Variants in FRMD4A observed in about 807,000 individuals in gnomAD.
FRMD4A encodes FERM domain-containing protein 4A.
A neutral mutation model predicts 129.1 loss-of-function variants in FRMD4A; 29 were observed. The ratio of observed to expected loss-of-function variants is 0.22; its 90% CI spans 0.17 to 0.31. The LOEUF (loss-of-function observed/expected upper bound fraction) is 0.31. Ranked by LOEUF, FRMD4A falls within the 10% of genes least tolerant of loss-of-function variation. The pLI, the probability that FRMD4A is intolerant of heterozygous loss-of-function variation, is 1.00. For synonymous variants in FRMD4A, 634 were observed against 571.6 expected (o/e 1.11, Z -1.56); for missense variants, 1,272 against 1,375.8 (o/e 0.92, Z 1.19).
intron 3 of FRMD4A, among the ~76,000 whole-genome samples, chr10:13,833,020 C>T (rs2093814894): frequency 6.6e-6 from 1 of 152,198 alleles, no homozygotes; most frequent in Non-Finnish European, 1.5e-5. Flanking sequence ...TTTCCGTGTA[C>T]AGTCTGCCTT....
intron 15 of FRMD4A, among the ~76,000 whole-genome samples, chr10:13,680,305 C>A (rs956794002): frequency 1.3e-5 from 2 of 151,418 alleles, no homozygotes; most frequent in Admixed American, 6.6e-5. Flanking sequence ...AAAACAAAAC[C>A]AAACCAAAAA....
At chr10:14,312,527 C>T (rs933130434) in intron 2 of FRMD4A, among the ~76,000 whole-genome samples, 9 of 152,142 alleles carry the variant, frequency 5.9e-5, no homozygotes, top group Non-Finnish European at 8.8e-5. Flanking sequence ...AAGCCATATG[C>T]ACAAAGATAT....
chr10:13,777,046 G>A (rs74121875), intron 6 of FRMD4A, among the ~76,000 whole-genome samples: 9,169 of 152,320 alleles, frequency 0.06, 934 homozygotes, highest in African/African-American at 0.21. Flanking sequence ...CAATTAGAGA[G>A]GAAAGGGAAG....
At chr10:14,151,284 G>A (rs1053283991) in intron 2 of FRMD4A, among the ~76,000 whole-genome samples, 13 of 152,280 alleles carry the variant, frequency 8.5e-5, no homozygotes, top group South Asian at 6.2e-4. Context: ...TGGCTGATTC[G>A]ATAAGGAAAA....
intron 9 of FRMD4A, among the ~76,000 whole-genome samples, chr10:13,747,294 A>G (rs2091341800): frequency 6.6e-6 from 1 of 152,054 alleles, no homozygotes; most frequent in African/African-American, 2.4e-5. Flanking sequence ...GCACTTTGGG[A>G]GGCCGAGGCA....
At chr10:14,135,521 C>G (rs1839488247) in intron 2 of FRMD4A, among the ~76,000 whole-genome samples, 1 of 152,174 alleles carries the variant, frequency 6.6e-6, no homozygotes, top group African/African-American at 2.4e-5. Context: ...CTGGGGGCTG[C>G]CTGATTCACA....
At chr10:14,065,068 C>A (rs999540870) in intron 2 of FRMD4A, among the ~76,000 whole-genome samples, 9 of 152,158 alleles carry the variant, frequency 5.9e-5, no homozygotes, top group African/African-American at 2.2e-4. Context: ...GTGCCAAATC[C>A]ATGTTGTGGG....
At chr10:14,274,746 G>T (rs11258990) in intron 2 of FRMD4A, among the ~76,000 whole-genome samples, 1 of 152,140 alleles carries the variant, frequency 6.6e-6, no homozygotes, top group African/African-American at 2.4e-5. Flanking sequence ...GCTCAGCCAG[G>T]TGTATTTTTC....
At chr10:14,184,872 C>T (rs573224799) in intron 2 of FRMD4A, among the ~76,000 whole-genome samples, 1 of 152,186 alleles carries the variant, frequency 6.6e-6, no homozygotes, top group African/African-American at 2.4e-5. Flanking sequence ...CATGGCCTGC[C>T]CGGATACAAC....
chr10:13,687,989 C>T (rs1388516292), intron 15 of FRMD4A, among the ~76,000 whole-genome samples: 3 of 152,186 alleles, frequency 2.0e-5, no homozygotes, highest in Non-Finnish European at 4.4e-5. Flanking sequence ...GGGGACAGCT[C>T]TGCGTATCAC....
At chr10:14,147,571 G>T (rs968045103) in intron 2 of FRMD4A, among the ~76,000 whole-genome samples, 1 of 152,104 alleles carries the variant, frequency 6.6e-6, no homozygotes, top group Admixed American at 6.5e-5. Flanking sequence ...ATCTGGGGGT[G>T]ATGGGAAACA....
intron 3 of FRMD4A, among the ~76,000 whole-genome samples, chr10:13,856,692 T>C (rs964158103): frequency 6.6e-6 from 1 of 152,148 alleles, no homozygotes; most frequent in Non-Finnish European, 1.5e-5. Context: ...TATAAAGCAG[T>C]GGAAAGAACA....
At chr10:14,133,967 G>C (rs1245862283) in intron 2 of FRMD4A, among the ~76,000 whole-genome samples, 1 of 152,186 alleles carries the variant, frequency 6.6e-6, no homozygotes. Flanking sequence ...AGAAGAACTT[G>C]TTTCTTGGTA....
At chr10:13,966,824 C>G (rs2095488058) in intron 2 of FRMD4A, among the ~76,000 whole-genome samples, 1 of 152,208 alleles carries the variant, frequency 6.6e-6, no homozygotes, top group African/African-American at 2.4e-5. Flanking sequence ...GGAACCAACC[C>G]AAATGCCCAT....
At chr10:13,929,640 A>G (rs957903245) in intron 2 of FRMD4A, among the ~76,000 whole-genome samples, 12 of 152,210 alleles carry the variant, frequency 7.9e-5, no homozygotes, top group African/African-American at 2.4e-4. Context: ...GCACTCCCCA[A>G]AGCTGGAGGC....
rs765276158 is a variant in FRMD4A, at chr10:13,657,170, GCGC to G, written c.2416_2418del (p.Ala806del). ...CCCCCCGCGCCCCCCGCACCCCCGC[GCGC>G]CGCCAGGTTGGGCATGCTGCCCGAG... On this transcript the variant is annotated inframe_deletion, in exon 22 of 25. Transcript: ENST00000357447. The G allele has an allele frequency of 7.4e-7, 1 of 1,360,066 alleles. No individual in the cohort carries two copies. The highest frequency in any genetic ancestry group is 1.3e-5 in the South Asian group (1 of 76,572). The allele number at this position is 1,360,066 out of a possible 1,614,324, so 84.2% of individuals were successfully genotyped here.
chr10:14,067,558 C>T (rs1309608633), intron 2 of FRMD4A, among the ~76,000 whole-genome samples: 1 of 152,050 alleles, frequency 6.6e-6, no homozygotes, highest in Non-Finnish European at 1.5e-5. Context: ...GTGGCTCACA[C>T]TTGTAATCCC....
rs147332743 is a variant in FRMD4A at position 14,268,030 on chromosome 10, T to C, written c.45+62028A>G. Among the ~76,000 whole-genome samples the C allele has an allele frequency of 6.0e-3, 920 of 152,340 alleles. 11 individuals carry two copies. Among genetic ancestry groups the C allele is most frequent in the African/African-American group, 0.021 (855 of 41,584 alleles). ...ATAAAATAATACGCCACCTATTTCATGATTGTGTTGCAGGCATCAAATGGG... is the reference window on the plus strand; with the variant it reads ...ATAAAATAATACGCCACCTATTTCACGATTGTGTTGCAGGCATCAAATGGG... On this transcript the variant is annotated intron_variant, in intron 2 of 24. Transcript: ENST00000357447.
At chr10:13,660,778 T>A (rs116701197) in intron 19 of FRMD4A, among the ~76,000 whole-genome samples, 1,878 of 152,260 alleles carry the variant, frequency 0.012, 45 homozygotes, top group African/African-American at 0.043. Context: ...CGGGATTGCA[T>A]GGGAAGAGAT....
Sources: gnomAD v4.1 joint callset for allele counts (sites outside exome capture counted in the v4.1 genomes callset) on GRCh38, gnomAD v4.1.1 for gene constraint, MANE v1.5 for transcripts, NCBI Gene and HGNC (gene_info 2026-07-23, HGNC 2026-07-21) for gene names.